The following CDH9 variants were observed in gnomAD, a reference collection of about 807,000 sequenced individuals.
CDH9 encodes cadherin 9, also known as cadherin-9.
CDH9 carries 28 observed loss-of-function variants against 70.9 expected under a neutral mutation model. The observed-to-expected ratio is 0.40, with a 90% CI of 0.29 to 0.54. CDH9 has a LOEUF of 0.54. CDH9 is among the 20% of genes least tolerant of loss of function. The pLI, the probability that CDH9 is intolerant of heterozygous loss-of-function variation, is 0.59. For missense variants in CDH9, 874 were observed against 984.4 expected (o/e 0.89, Z 1.50); for synonymous variants, 409 against 343.1 (o/e 1.19, Z -2.12).
At chr5:26,976,051 T>C (rs1428837995) in intron 2 of CDH9, among the ~76,000 whole-genome samples, 1 of 152,114 alleles carries the variant, frequency 6.6e-6, no homozygotes, top group Non-Finnish European at 1.5e-5. Flanking sequence ...GAAATCCAAG[T>C]CACTTAGTAG....
chr5:26,911,969 C>T (rs1295810536), intron 3 of CDH9, among the ~76,000 whole-genome samples: 1 of 151,670 alleles, frequency 6.6e-6, no homozygotes, highest in Non-Finnish European at 1.5e-5. Flanking sequence ...GAAGAAGAAA[C>T]AAATACTTTA....
At chr5:26,971,533 A>G (rs923379216) in intron 2 of CDH9, among the ~76,000 whole-genome samples, 7 of 152,208 alleles carry the variant, frequency 4.6e-5, no homozygotes, top group African/African-American at 1.2e-4. Context: ...ATCTTGCAAC[A>G]TATTATTTGT....
At chr5:26,903,589 G>T in intron 6 of CDH9, 48 bp downstream of exon 6, 1 of 1,263,348 alleles carries the variant, frequency 7.9e-7, no homozygotes, top group Non-Finnish European at 1.2e-6. Flanking sequence ...AAAAGCAAAC[G>T]TAAATTATAA....
At chr5:26,936,488 C>A (rs77813013) in intron 2 of CDH9, among the ~76,000 whole-genome samples, 14,435 of 152,076 alleles carry the variant, frequency 0.095, 864 homozygotes, top group East Asian at 0.17. Context: ...AAGAGTCTTT[C>A]CAACTTGATC....
chr5:27,017,394 G>T (rs548647137), intron 1 of CDH9, among the ~76,000 whole-genome samples: 42 of 151,730 alleles, frequency 2.8e-4, no homozygotes, highest in Admixed American at 5.9e-4. Flanking sequence ...TGTTCAAAGG[G>T]ATTGCTTTTC....
intron 2 of CDH9, among the ~76,000 whole-genome samples, chr5:26,985,893 G>C (rs1467280036): frequency 6.6e-6 from 1 of 152,084 alleles, no homozygotes; most frequent in Non-Finnish European, 1.5e-5. Context: ...TAAGGGTCCA[G>C]TTAGCCACTA....
intron 2 of CDH9, among the ~76,000 whole-genome samples, chr5:26,968,584 T>C (rs907449093): frequency 1.2e-4 from 18 of 152,110 alleles, no homozygotes; most frequent in Admixed American, 1.2e-3. Flanking sequence ...GAATAGTTAT[T>C]ATCTCAAGTA....
At chr5:26,979,677 A>ATAATTCTCT (rs1742366453) in intron 2 of CDH9, among the ~76,000 whole-genome samples, 1 of 151,842 alleles carries the variant, frequency 6.6e-6, no homozygotes, top group African/African-American at 2.4e-5. Context: ...TTATACAGAA[A>ATAATTCTCT]GGCTGAGAGC....
At chr5:27,019,956 C>T (rs899851617) in intron 1 of CDH9, among the ~76,000 whole-genome samples, 1 of 151,728 alleles carries the variant, frequency 6.6e-6, no homozygotes, top group Non-Finnish European at 1.5e-5. Flanking sequence ...AAATTAAATA[C>T]ATTACAAGAA....
chr5:27,033,990 A>AT (rs986406304), intron 1 of CDH9, among the ~76,000 whole-genome samples: 1 of 151,382 alleles, frequency 6.6e-6, no homozygotes, highest in Non-Finnish European at 1.5e-5. Flanking sequence ...TATATGCTTT[A>AT]TTTTTTTATA....
At chr5:27,013,970 A>C (rs1579513082) in intron 1 of CDH9, among the ~76,000 whole-genome samples, 1 of 152,138 alleles carries the variant, frequency 6.6e-6, no homozygotes, top group Middle Eastern at 3.4e-3. Context: ...TATCTGGCAC[A>C]TGCCCTGGCA....
At chr5:26,882,794 T>C (rs1376184196) in intron 11 of CDH9, among the ~76,000 whole-genome samples, 1 of 151,496 alleles carries the variant, frequency 6.6e-6, no homozygotes, top group Non-Finnish European at 1.5e-5. Context: ...GCTATTATTC[T>C]TTTTCTCAAT....
chr5:27,019,226 GA>G (rs1352722854), intron 1 of CDH9, among the ~76,000 whole-genome samples: 6 of 152,004 alleles, frequency 3.9e-5, no homozygotes, highest in Admixed American at 3.9e-4. Flanking sequence ...GGAAAACCTA[GA>G]TGTACATCTC....
At chr5:26,911,328 T>C (rs866560984) in intron 3 of CDH9, among the ~76,000 whole-genome samples, 4 of 152,184 alleles carry the variant, frequency 2.6e-5, no homozygotes, top group South Asian at 2.1e-4. Context: ...GAATTTTCTT[T>C]ATAAATACTT....
At chr5:26,972,498 G>T (rs1251482160) in intron 2 of CDH9, among the ~76,000 whole-genome samples, 1 of 152,064 alleles carries the variant, frequency 6.6e-6, no homozygotes, top group Non-Finnish European at 1.5e-5. Flanking sequence ...CATTGGCCCT[G>T]TGGAACCCCC....
rs1315497848 is a variant in CDH9, at chr5:26,902,703, G to C, written c.1026C>G (p.Leu342=). ...TACTTGCATCCACTCTTAAAGTATA[G>C]AGCATTTGATTTTCAAAATCTAAAT... ...KQNLDFENQM[L]YTLRVDASNT... is the part of the protein sequence containing the mutation. Residue 342 remains leucine, a synonymous_variant, in exon 7 of 12, where the codon CTC becomes CTG. Transcript: ENST00000231021. The C allele has an allele frequency of 3.8e-6, 6 of 1,562,108 alleles. No homozygotes were observed. The highest frequency in any genetic ancestry group is 5.3e-6 in the Non-Finnish European group (6 of 1,134,316).
chr5:26,905,582 G>T (rs1720893444), intron 5 of CDH9, among the ~76,000 whole-genome samples: 1 of 152,072 alleles, frequency 6.6e-6, no homozygotes, highest in Non-Finnish European at 1.5e-5. Flanking sequence ...AATCCAGATA[G>T]GCAGACATGA....
At chr5:27,021,045 G>T (rs560325081) in intron 1 of CDH9, among the ~76,000 whole-genome samples, 5 of 151,672 alleles carry the variant, frequency 3.3e-5, no homozygotes, top group African/African-American at 1.2e-4. Flanking sequence ...GAAAACTGAT[G>T]AAAATGATTA....
intron 2 of CDH9, among the ~76,000 whole-genome samples, chr5:26,974,404 C>T (rs1387419566): frequency 6.6e-6 from 1 of 151,670 alleles, no homozygotes; most frequent in East Asian, 1.9e-4. Context: ...GAAAGATATT[C>T]GCCTGTTCAT....
Sources: gnomAD v4.1 joint callset for allele counts (sites outside exome capture counted in the v4.1 genomes callset) on GRCh38, gnomAD v4.1.1 for gene constraint, MANE v1.5 for transcripts, NCBI Gene and HGNC (gene_info 2026-07-23, HGNC 2026-07-21) for gene names.